Variants in COL9A2 observed in about 807,000 individuals in gnomAD.
The protein encoded by COL9A2 is collagen alpha-2(IX) chain.
In COL9A2, 66 loss-of-function variants were observed where a neutral mutation model predicts 111.6. The observed-to-expected ratio is 0.59, with a 90% CI of 0.48 to 0.73. The LOEUF is 0.73. Among genes scored for constraint, COL9A2 ranks in the 30% least tolerant of loss-of-function variants. The probability of loss-of-function intolerance (pLI) is 0.00; values close to 1 mark genes in which losing one functional copy is unlikely to be tolerated. For synonymous variants in COL9A2, 353 were observed against 364.1 expected, an observed-to-expected ratio of 0.97 and a Z score of 0.35; for missense variants, 881 against 954.1, an observed-to-expected ratio of 0.92 and a Z score of 1.01.
chr1:40,305,613 A>C (rs1569720868), intron 21 of COL9A2, 102 bp downstream of exon 21: 1 of 1,081,040 alleles, frequency 9.3e-7, no homozygotes, highest in South Asian at 1.3e-5. Context: ...TCATTGGGTC[A>C]GGGCAGAGCC....
In COL9A2 at chr1:40,311,432, G is replaced by A. The variant is rs559483418; in HGVS notation, c.519+68C>T. The stretch of plus-strand genomic sequence containing the variant: ...TCTCTCCAGACACCCCCATCTCCGT[G>A]GCCCCGCCTCCCCATCTCTGTGGCC... On this transcript the variant is annotated intron_variant, in intron 10 of 31. Coordinates refer to ENST00000372748, the MANE Select transcript of COL9A2 (RefSeq NM_001852.4). The surrounding 1 kb of genome is among the most constrained non-coding windows in gnomAD (Gnocchi z 5.1). 8.9e-6 allele frequency: 14 copies of A among 1,575,968 alleles called. No individual in the cohort carries two copies. In the South Asian group the frequency reaches 1.4e-4, roughly 16 times the overall value.
intron 16 of COL9A2, among the ~76,000 whole-genome samples, chr1:40,308,788 C>G (rs909760613): frequency 6.6e-6 from 1 of 152,056 alleles, no homozygotes; most frequent in African/African-American, 2.4e-5. Flanking sequence ...TACTTGAAAA[C>G]ATCAGAGCAA....
In COL9A2 at chr1:40,305,754, CG is replaced by C. The variant is rs1644019243; in HGVS notation, c.1067del (p.Pro356ArgfsTer175). 1 of 1,613,916 alleles carries C rather than the reference CG, an allele frequency of 6.2e-7. No homozygotes were observed. The highest frequency in any genetic ancestry group is 1.3e-5 in the African/African-American group (1 of 74,928). ...GGPGDQGEPG[P>X]QGLPGFSGPP... Reference sequence around the variant, plus strand: ...GACCAGAGAATCCAGGAAGGCCCTGCGGGCCCGGCTCACCCTGCAGGAAAAC... The same window carrying C: ...GACCAGAGAATCCAGGAAGGCCCTGCGGCCCGGCTCACCCTGCAGGAAAAC... On this transcript the variant is annotated frameshift_variant, in exon 21 of 32. Coordinates refer to ENST00000372748, the MANE Select transcript of COL9A2 (RefSeq NM_001852.4). LOFTEE classifies it high-confidence loss of function.
At position 40,307,738 on chromosome 1, in the gene COL9A2, C is replaced by A. The variant is rs184896618; in HGVS notation, c.919G>T (p.Gly307Cys). 6.2e-7 allele frequency: 1 copy of A among 1,614,132 alleles called. No individual in the cohort carries two copies. The highest frequency in any genetic ancestry group is 8.5e-7 in the Non-Finnish European group (1 of 1,180,008). ...KGATGPPGIN[G>C]KDGTPGTPGM... ...GGCGTGCCTGGGGTCCCATCCTTGCCGTTGATGCCTGGGGGGCCCTACCCA... is the reference window on the plus strand; with the variant it reads ...GGCGTGCCTGGGGTCCCATCCTTGCAGTTGATGCCTGGGGGGCCCTACCCA... The change falls in exon 18 of 32, where the codon GGC (glycine) becomes TGC (cysteine). Residue 307 changes from glycine to cysteine, a missense_variant. By Grantham distance (159) the Gly-to-Cys change is radical. Transcript: ENST00000372748. This position sits in a 1 kb window ranked among gnomAD's most constrained non-coding sequence, Gnocchi z 4.8.
chr1:40,306,487 A>C (rs944608734), intron 19 of COL9A2, among the ~76,000 whole-genome samples: 12 of 152,236 alleles, frequency 7.9e-5, no homozygotes, highest in Admixed American at 7.9e-4. Flanking sequence ...GTGTGCACAG[A>C]AACAGGTTTG....
At chr1:40,305,557 T>C (rs1027900791) in intron 21 of COL9A2, among the ~76,000 whole-genome samples, 158 bp downstream of exon 21, 6 of 152,102 alleles carry the variant, frequency 3.9e-5, no homozygotes, top group African/African-American at 1.4e-4. Context: ...CTCCCTGCAA[T>C]GTACATAGGG....
At position 40,311,910 on chromosome 1, in the gene COL9A2, G is replaced by T. The variant is rs973724006; in HGVS notation, c.417+149C>A. ...GCGTCCCTAAAAGACCTAGTGCCGGGTGGGCTCATAGGAGGGGTTTCTGCC... is the reference window on the plus strand; with the variant it reads ...GCGTCCCTAAAAGACCTAGTGCCGGTTGGGCTCATAGGAGGGGTTTCTGCC... On this transcript the variant is annotated intron_variant, in intron 8 of 31. Coordinates refer to ENST00000372748, the MANE Select transcript of COL9A2 (RefSeq NM_001852.4). The surrounding 1 kb of genome is among the most constrained non-coding windows in gnomAD (Gnocchi z 5.1). The T allele has an allele frequency of 1.0e-6, 1 of 1,002,214 alleles. No homozygotes were observed. The highest frequency in any genetic ancestry group is 1.5e-6 in the Non-Finnish European group (1 of 648,600). The allele number at this position is 1,002,214 out of a possible 1,614,324, so 62.1% of individuals were successfully genotyped here. A position where few individuals can be genotyped will look rare whatever the true frequency, so the allele number is the denominator to read the frequency against.
In COL9A2 at chr1:40,303,537, C is replaced by T; in HGVS notation, c.1541G>A (p.Gly514Asp). The change falls in exon 28 of 32, where the codon GGC becomes GAC. Residue 514 changes from glycine (G) to aspartate (D), a missense_variant. Gly to Asp is a moderately conservative substitution (Grantham distance 94, BLOSUM62 -1). Coordinates refer to ENST00000372748, the MANE Select transcript of COL9A2 (RefSeq NM_001852.4). This position sits in a 1 kb window ranked among gnomAD's most constrained non-coding sequence, Gnocchi z 4.6. The part of the protein sequence containing the change: ...RGVPGQPGRQ[G>D]VEGRDATDQH... ...CCCCGGGGCCCGACTCACCTCCACG[C>T]CCTGTCTCCCGGGCTGTCCTGGCAC... 6.2e-7 allele frequency: 1 copy of T among 1,612,780 alleles called. No individual in the cohort carries two copies. Among genetic ancestry groups the T allele is most frequent in the Non-Finnish European group, 8.5e-7 (1 of 1,179,828 alleles).
Position 40,312,829 on chromosome 1 carries a change from C to T in COL9A2, c.250-45G>A, listed in dbSNP as rs1437818725. 6.6e-7 allele frequency: 1 copy of T among 1,526,002 alleles called. No homozygotes were observed. Among genetic ancestry groups the T allele is most frequent in the Non-Finnish European group, 8.9e-7 (1 of 1,125,562 alleles). The allele number at this position is 1,526,002 out of a possible 1,614,324, so 94.5% of individuals were successfully genotyped here. On this transcript the variant is annotated intron_variant, in intron 4 of 31. Transcript: ENST00000372748. The surrounding 1 kb of genome is among the most constrained non-coding windows in gnomAD (Gnocchi z 6.0). ...TAGGATCAATGAGGGCCAACCTGCT[C>T]CCTGACCCACAGAGCAGGGCAGGTT...
At chr1:40,301,690 G>T in intron 31 of COL9A2, 122 bp downstream of exon 31, 1 of 949,462 alleles carries the variant, frequency 1.1e-6, no homozygotes, top group Non-Finnish European at 1.6e-6. Flanking sequence ...GGGTGCAGAA[G>T]CTGGGTATCA....
In COL9A2 at chr1:40,310,091, G is replaced by A. The variant is rs373380154; in HGVS notation, c.792+20C>T. ...GTAGGAGCTCCAGCCTCAGGGGTAG[G>A]GGAGCAAAAAGAGGCTTACCGGTGG... On this transcript the variant is annotated intron_variant, in intron 15 of 31. Coordinates refer to ENST00000372748, the MANE Select transcript of COL9A2 (RefSeq NM_001852.4). The surrounding 1 kb of genome is among the most constrained non-coding windows in gnomAD (Gnocchi z 4.9). 5.0e-5 allele frequency: 81 copies of A among 1,613,998 alleles called. 1 individual carries two copies. In the African/African-American group the frequency reaches 8.8e-4, roughly 18 times the overall value.
Position 40,310,008 on chromosome 1 carries a change from G to C in COL9A2, c.793-17C>G. 6.2e-7 allele frequency: 1 copy of C among 1,614,178 alleles called. No individual in the cohort carries two copies. Among genetic ancestry groups the C allele is most frequent in the Non-Finnish European group, 8.5e-7 (1 of 1,180,014 alleles). On this transcript the variant is annotated splice_polypyrimidine_tract_variant and intron_variant, in intron 15 of 31. Transcript: ENST00000372748. The surrounding 1 kb of genome is among the most constrained non-coding windows in gnomAD (Gnocchi z 4.9). ...TTCCTCACCCTGGCAAGAAAGACAA[G>C]CAGGAATCCAGGTCACACAGGCTCA...
In COL9A2 at chr1:40,312,161, C is replaced by CT. The variant is rs749322524; in HGVS notation, c.364-50_364-49insA. Reference sequence around the variant, plus strand: ...CAGGATGCCTCAGAGGGTCAGATACCCTGGGCACAAAGGTAGAGACAGGCA... The same window carrying CT: ...CAGGATGCCTCAGAGGGTCAGATACCTCTGGGCACAAAGGTAGAGACAGGCA... On this transcript the variant is annotated intron_variant, in intron 7 of 31. Coordinates refer to ENST00000372748, the MANE Select transcript of COL9A2 (RefSeq NM_001852.4). This position sits in a 1 kb window ranked among gnomAD's most constrained non-coding sequence, Gnocchi z 6.0. The CT allele has an allele frequency of 9.2e-6, 14 of 1,527,416 alleles. No homozygotes were observed. The highest frequency in any genetic ancestry group is 1.3e-5 in the Non-Finnish European group (14 of 1,115,982). The allele number at this position is 1,527,416 out of a possible 1,614,324, so 94.6% of individuals were successfully genotyped here. A position where few individuals can be genotyped will look rare whatever the true frequency, so the allele number is the denominator to read the frequency against.
chr1:40,315,323 G>A (rs1242187119), intron 2 of COL9A2: 2 of 1,319,260 alleles, frequency 1.5e-6, no homozygotes, highest in African/African-American at 3.0e-5. Flanking sequence ...AGAGGAGGGG[G>A]ATGAGGCCTC....
At position 40,310,393 on chromosome 1, in the gene COL9A2, A is replaced by G. The variant is rs1349794523; in HGVS notation, c.685-76T>C. 7 of 1,433,982 alleles carry G rather than the reference A, an allele frequency of 4.9e-6. No homozygotes were observed. The African/African-American group carries it at 9.8e-5, about 20-fold the overall frequency. 88.8% of individuals were successfully genotyped at this position (1,433,982 alleles called of 1,614,324 possible). A position where few individuals can be genotyped will look rare whatever the true frequency, so the allele number is the denominator to read the frequency against. ...GATACCTTGTCTGATGCCCACCTTCAATCTTACAGTGCCCTTTTGAGGTAG... is the reference window on the plus strand; with the variant it reads ...GATACCTTGTCTGATGCCCACCTTCGATCTTACAGTGCCCTTTTGAGGTAG... On this transcript the variant is annotated intron_variant, in intron 13 of 31. Coordinates refer to ENST00000372748, the MANE Select transcript of COL9A2 (RefSeq NM_001852.4). This position sits in a 1 kb window ranked among gnomAD's most constrained non-coding sequence, Gnocchi z 4.9.
At position 40,302,850 on chromosome 1, in the gene COL9A2, G is replaced by C. The variant is rs1557791386; in HGVS notation, c.1604-41C>G. On this transcript the variant is annotated intron_variant, in intron 29 of 31. Transcript: ENST00000372748. This position sits in a 1 kb window ranked among gnomAD's most constrained non-coding sequence, Gnocchi z 4.5. The stretch of plus-strand genomic sequence containing the variant: ...GAGGGAGGGAGAGGGAAGTCTATGA[G>C]ATGGGTGTCAGCAGTAACACTAGGG... 3 of 1,529,224 alleles carry C rather than the reference G, an allele frequency of 2.0e-6. No individual in the cohort carries two copies. The highest frequency in any genetic ancestry group is 1.4e-5 in the African/African-American group (1 of 72,802). The allele number at this position is 1,529,224 out of a possible 1,614,324, so 94.7% of individuals were successfully genotyped here. A position where few individuals can be genotyped will look rare whatever the true frequency, so the allele number is the denominator to read the frequency against.
Position 40,314,291 on chromosome 1 carries a change from CAT to C in COL9A2, c.187-26_187-25del. The C allele has an allele frequency of 6.2e-7, 1 of 1,614,198 alleles. No homozygotes were observed. Among genetic ancestry groups the C allele is most frequent in the East Asian group, 2.2e-5 (1 of 44,876 alleles). Reference sequence around the variant, plus strand: ...CCCTTGAAAACAGAGATGGAACAAACATGAGCCAGAGGAGGGCAAGAGCAGGA... The same window carrying C: ...CCCTTGAAAACAGAGATGGAACAAACGAGCCAGAGGAGGGCAAGAGCAGGA... On this transcript the variant is annotated intron_variant, in intron 3 of 31. Transcript: ENST00000372748. This position sits in a 1 kb window ranked among gnomAD's most constrained non-coding sequence, Gnocchi z 4.1.
chr1:40,315,349 C>T (rs2124105730), intron 2 of COL9A2: 7 of 1,347,170 alleles, frequency 5.2e-6, no homozygotes, highest in Non-Finnish European at 6.7e-6. Context: ...GAGCTGCGGC[C>T]GGCGGACTGA....
Position 40,307,563 on chromosome 1 carries a change from C to G in COL9A2, c.955-64G>C. ...CCAGCCAGAGGGCCATGGCTTCTAC[C>G]CAGATGCAGGTAGGGAAACTGAGAT... is the stretch of plus-strand genomic sequence containing the variant. On this transcript the variant is annotated intron_variant, in intron 18 of 31. Transcript: ENST00000372748. The surrounding 1 kb of genome is among the most constrained non-coding windows in gnomAD (Gnocchi z 4.8). The G allele has an allele frequency of 1.2e-6, 2 of 1,600,314 alleles. No homozygotes were observed. Among genetic ancestry groups the G allele is most frequent in the Non-Finnish European group, 8.6e-7 (1 of 1,169,378 alleles).
Sources: gnomAD v4.1 joint callset for allele counts (sites outside exome capture counted in the v4.1 genomes callset) on GRCh38, gnomAD v4.1.1 for gene constraint, Gnocchi (gnomAD v3.1) non-coding constraint, MANE v1.5 for transcripts, NCBI Gene and HGNC (gene_info 2026-07-23, HGNC 2026-07-21) for gene names.